The following PPARGC1A variants were observed in gnomAD, a reference collection of about 807,000 sequenced individuals.
The protein encoded by PPARGC1A is PPARG coactivator 1 alpha, also known as peroxisome proliferator-activated receptor gamma coactivator 1-alpha.
In PPARGC1A, 25 loss-of-function variants were observed where a neutral mutation model predicts 88.7. That is an observed-to-expected ratio of 0.28 (90% CI 0.21 to 0.39). PPARGC1A has a LOEUF of 0.39. Among genes scored for constraint, PPARGC1A ranks in the 10% least tolerant of loss-of-function variants. The pLI is 1.00. For synonymous variants in PPARGC1A, 363 were observed against 355.6 expected (o/e 1.02, Z -0.24); for missense variants, 880 against 968.7 (o/e 0.91, Z 1.22).
At position 23,796,122 on chromosome 4, in the gene PPARGC1A, C is replaced by G. The variant is rs151168675; in HGVS notation, c.2294-197G>C. ...GTAGTGAGCTTTCAAAAACACGCAC[C>G]TGTTGACTCGTTTAGGCTTAAACAC... On this transcript the variant is annotated intron_variant, in intron 12 of 12. Transcript: ENST00000264867. Among the ~76,000 whole-genome samples, 443 of 152,108 alleles carry G rather than the reference C, an allele frequency of 2.9e-3. 2 individuals carry two copies. The highest frequency in any genetic ancestry group is 0.01 in the African/African-American group (420 of 41,496).
chr4:24,057,543 G>C, the PPARGC1A span, among the ~76,000 whole-genome samples: 32 of 151,828 alleles, frequency 2.1e-4, no homozygotes, highest in Admixed American at 2.1e-3. Context: ...AAAGTATTTA[G>C]CATAGTGCTG....
At chr4:24,353,620 T>C in the PPARGC1A span, among the ~76,000 whole-genome samples, 1 of 152,170 alleles carries the variant, frequency 6.6e-6, no homozygotes, top group Non-Finnish European at 1.5e-5. Flanking sequence ...TAAAATATAA[T>C]ATCTCCCCTG....
At chr4:24,258,419 C>G in the PPARGC1A span, among the ~76,000 whole-genome samples, 1 of 152,142 alleles carries the variant, frequency 6.6e-6, no homozygotes, top group Non-Finnish European at 1.5e-5. Context: ...CACAATGCAT[C>G]TTGACTACCC....
chr4:24,436,162 G>A, the PPARGC1A span, among the ~76,000 whole-genome samples: 7 of 152,268 alleles, frequency 4.6e-5, no homozygotes, highest in Middle Eastern at 3.4e-3. Context: ...AAGTGAAGCC[G>A]GTGAGATACT....
the PPARGC1A span, among the ~76,000 whole-genome samples, chr4:23,947,229 T>A: frequency 6.6e-6 from 1 of 151,496 alleles, no homozygotes; most frequent in Non-Finnish European, 1.5e-5. Flanking sequence ...AACCTAGCAA[T>A]GAATATATAT....
At chr4:23,815,669 C>T (rs763682312) in intron 7 of PPARGC1A, among the ~76,000 whole-genome samples, 11 of 152,002 alleles carry the variant, frequency 7.2e-5, no homozygotes, top group African/African-American at 7.2e-5. Context: ...CCGTTTGTGC[C>T]GAGGAAGAAC....
chr4:24,052,854 ATTTTTTTTT>A, the PPARGC1A span, among the ~76,000 whole-genome samples: 24 of 65,790 alleles, frequency 3.6e-4, 1 homozygote, highest in African/African-American at 1.5e-3. Context: ...GCGTACGCAG[ATTTTTTTTT>A]TTTTTTTTTT....
intron 2 of PPARGC1A, among the ~76,000 whole-genome samples, chr4:23,839,078 AT>A (rs57258991): frequency 1.3e-3 from 199 of 152,318 alleles, no homozygotes; most frequent in African/African-American, 4.7e-3. Context: ...ATGGGAATCC[AT>A]TTAATTCCAA....
intron 1 of PPARGC1A, among the ~76,000 whole-genome samples, chr4:23,895,611 A>G (rs1718460957): frequency 6.6e-6 from 1 of 152,096 alleles, no homozygotes; most frequent in Non-Finnish European, 1.5e-5. Flanking sequence ...TTTTGAGAAA[A>G]CATCCTTAAC....
the PPARGC1A span, among the ~76,000 whole-genome samples, chr4:23,942,816 G>T: frequency 6.6e-6 from 1 of 152,042 alleles, no homozygotes; most frequent in Non-Finnish European, 1.5e-5. Context: ...GTTTCTTCAT[G>T]CACCAATAAA....
the PPARGC1A span, among the ~76,000 whole-genome samples, chr4:24,276,253 G>C: frequency 6.6e-6 from 1 of 152,286 alleles, no homozygotes; most frequent in East Asian, 1.9e-4. Flanking sequence ...CATGATTATA[G>C]CTTGGGGAGG....
chr4:23,946,643 G>A, the PPARGC1A span, among the ~76,000 whole-genome samples: 1 of 152,098 alleles, frequency 6.6e-6, no homozygotes, highest in Admixed American at 6.6e-5. Flanking sequence ...AGAAAGAAAG[G>A]AGGACAGGAA....
the PPARGC1A span, among the ~76,000 whole-genome samples, chr4:23,923,858 T>C: frequency 6.6e-6 from 1 of 152,232 alleles, no homozygotes; most frequent in Non-Finnish European, 1.5e-5. Flanking sequence ...ACCTTCTTTA[T>C]ATTCTCATTC....
the PPARGC1A span, among the ~76,000 whole-genome samples, chr4:24,463,562 C>T: frequency 6.6e-6 from 1 of 152,196 alleles, no homozygotes; most frequent in Admixed American, 6.5e-5. Flanking sequence ...AATAAAGTGA[C>T]ACATGTGTTG....
chr4:24,065,271 G>A, the PPARGC1A span, among the ~76,000 whole-genome samples: 1 of 152,058 alleles, frequency 6.6e-6, no homozygotes, highest in East Asian at 1.9e-4. Context: ...CAGCATCTAG[G>A]TGAGTCCATT....
the PPARGC1A span, among the ~76,000 whole-genome samples, chr4:24,384,155 AT>A: frequency 1.3e-5 from 2 of 152,176 alleles, no homozygotes; most frequent in African/African-American, 4.8e-5. Context: ...TGAAGGAGAA[AT>A]AAAATCCTTT....
At chr4:24,170,831 C>T in the PPARGC1A span, among the ~76,000 whole-genome samples, 1 of 152,304 alleles carries the variant, frequency 6.6e-6, no homozygotes, top group South Asian at 2.1e-4. Context: ...CTCCTTGAGA[C>T]AAGAACCTCA....
At chr4:23,880,082 C>T (rs914845676) in intron 2 of PPARGC1A, 1 of 152,098 alleles carries the variant, frequency 6.6e-6, no homozygotes, top group African/African-American at 2.4e-5. Flanking sequence ...TATGCATACA[C>T]GAGCTCGCAA....
the PPARGC1A span, among the ~76,000 whole-genome samples, chr4:23,947,543 C>T: frequency 1.4e-4 from 21 of 151,826 alleles, no homozygotes; most frequent in African/African-American, 5.1e-4. Context: ...CAAGCTCATA[C>T]TCATATCCTC....
Sources: gnomAD v4.1 joint callset for allele counts (sites outside exome capture counted in the v4.1 genomes callset) on GRCh38, gnomAD v4.1.1 for gene constraint, MANE v1.5 for transcripts, NCBI Gene and HGNC (gene_info 2026-07-23, HGNC 2026-07-21) for gene names.